Variants in ACER1 observed in about 807,000 individuals in gnomAD.
ACER1 encodes the protein CTB-180A7.3.
ACER1 carries 28 observed loss-of-function variants against 24.9 expected under a neutral mutation model. The ratio of observed to expected loss-of-function variants is 1.13; its 90% CI spans 0.83 to 1.54. The LOEUF is 1.54. ACER1 is among the 40% of genes most tolerant of loss of function. The probability of loss-of-function intolerance (pLI) is 0.00; values close to 1 mark genes in which losing one functional copy is unlikely to be tolerated. For synonymous variants in ACER1, 132 were observed against 131.4 expected (o/e 1.00, Z -0.03); for missense variants, 352 against 349.3 (o/e 1.01, Z -0.06).
Position 6,306,582 on chromosome 19 carries a change from C to T in ACER1, c.*132G>A, listed in dbSNP as rs2091553166. On this transcript the variant is annotated 3_prime_UTR_variant, in exon 6 of 6. Transcript: ENST00000301452. ...TGCCTCAAGGCAGGGCAGCGCAGGACAAGGAGGACACGGAAGGGGAAACAG... is the reference window on the plus strand; with the variant it reads ...TGCCTCAAGGCAGGGCAGCGCAGGATAAGGAGGACACGGAAGGGGAAACAG... 8.9e-7 allele frequency: 1 copy of T among 1,127,280 alleles called. No individual in the cohort carries two copies. Among genetic ancestry groups the T allele is most frequent in the African/African-American group, 1.6e-5 (1 of 63,598 alleles). The allele number at this position is 1,127,280 out of a possible 1,614,324, so 69.8% of individuals were successfully genotyped here. A position where few individuals can be genotyped will look rare whatever the true frequency, so the allele number is the denominator to read the frequency against.
chr19:6,329,297 C>G (rs184389335), intron 1 of ACER1, among the ~76,000 whole-genome samples: 1 of 151,964 alleles, frequency 6.6e-6, no homozygotes, highest in East Asian at 1.9e-4. Flanking sequence ...GAAGCCCTTT[C>G]TCACATAACT....
At chr19:6,323,581 C>A (rs1273558884) in intron 1 of ACER1, among the ~76,000 whole-genome samples, 1 of 152,168 alleles carries the variant, frequency 6.6e-6, no homozygotes, top group African/African-American at 2.4e-5. Context: ...CATTAAACTT[C>A]TTTCTTTTGT....
At position 6,333,337 on chromosome 19, in the gene ACER1, G is replaced by A. The variant is rs2091697813; in HGVS notation, c.93+122C>T. On this transcript the variant is annotated intron_variant, in intron 1 of 5. Coordinates refer to ENST00000301452, the MANE Select transcript of ACER1 (RefSeq NM_133492.3). ...AGCTGGCACTCTTTGGCTAACAGATGAGAAAACTAGGGCTGAGACAGGTGA... is the reference window on the plus strand; with the variant it reads ...AGCTGGCACTCTTTGGCTAACAGATAAGAAAACTAGGGCTGAGACAGGTGA... 3 of 732,686 alleles carry A rather than the reference G, an allele frequency of 4.1e-6. No individual in the cohort carries two copies. In the African/African-American group the frequency reaches 5.4e-5, roughly 13 times the overall value. The allele number at this position is 732,686 out of a possible 1,614,324, so 45.4% of individuals were successfully genotyped here. A position where few individuals can be genotyped will look rare whatever the true frequency, so the allele number is the denominator to read the frequency against.
At chr19:6,316,968 C>CTTTTTTT (rs71174911) in intron 1 of ACER1, among the ~76,000 whole-genome samples, 2 of 117,234 alleles carry the variant, frequency 1.7e-5, no homozygotes, top group Admixed American at 8.9e-5. Context: ...CCCTCCCCAT[C>CTTTTTTT]TTTTTTTTTT....
the ACER1 span, chr19:6,353,269 C>G: frequency 6.6e-6 from 1 of 151,926 alleles, no homozygotes; most frequent in Non-Finnish European, 1.5e-5. Context: ...GAGGTCAAGG[C>G]TGCAGTGAGC....
At chr19:6,330,353 A>G (rs1364813928) in intron 1 of ACER1, among the ~76,000 whole-genome samples, 2 of 149,436 alleles carry the variant, frequency 1.3e-5, no homozygotes, top group African/African-American at 5.1e-5. Flanking sequence ...TTTTTAGTAG[A>G]GATGGGGTTT....
At chr19:6,351,973 G>C in the ACER1 span, among the ~76,000 whole-genome samples, 1 of 150,288 alleles carries the variant, frequency 6.7e-6, no homozygotes, top group Admixed American at 6.7e-5. Flanking sequence ...GGAGAATGGC[G>C]TGAACCTGGG....
chr19:6,324,012 C>T (rs1367929882), intron 1 of ACER1, among the ~76,000 whole-genome samples: 1 of 152,082 alleles, frequency 6.6e-6, no homozygotes, highest in African/African-American at 2.4e-5. Context: ...CTCCCCTCCA[C>T]CCCCTTCCGA....
intron 1 of ACER1, among the ~76,000 whole-genome samples, chr19:6,330,738 G>C (rs2091683129): frequency 6.7e-6 from 1 of 149,776 alleles, no homozygotes; most frequent in African/African-American, 2.5e-5. Flanking sequence ...AGCCTCGTAG[G>C]ACCAATCATT....
At chr19:6,324,948 C>T (rs532965978) in intron 1 of ACER1, among the ~76,000 whole-genome samples, 1 of 151,692 alleles carries the variant, frequency 6.6e-6, no homozygotes, top group African/African-American at 2.4e-5. Flanking sequence ...TGTCATCAAC[C>T]CAGAAGAAGG....
upstream of ACER1, among the ~76,000 whole-genome samples, chr19:6,334,075 C>T (rs193098134): frequency 9.6e-4 from 145 of 151,014 alleles, no homozygotes; most frequent in South Asian, 1.7e-3. Context: ...GAGACAGAGT[C>T]GCTCTGTTGC....
the ACER1 span, among the ~76,000 whole-genome samples, chr19:6,359,391 T>C: frequency 6.6e-6 from 1 of 150,646 alleles, no homozygotes; most frequent in African/African-American, 2.4e-5. Context: ...TGATCTCGGC[T>C]CTCTGCAACC....
the ACER1 span, among the ~76,000 whole-genome samples, chr19:6,356,886 A>G: frequency 6.6e-6 from 1 of 152,130 alleles, no homozygotes; most frequent in South Asian, 2.1e-4. Context: ...AATGTTCTGC[A>G]GACAATAGAA....
At chr19:6,307,054 T>C in intron 5 of ACER1, 99 bp downstream of exon 5, 1 of 1,551,532 alleles carries the variant, frequency 6.4e-7, no homozygotes, top group Non-Finnish European at 8.7e-7. Flanking sequence ...CTCTCCTCTC[T>C]CTGCTTCTCC....
chr19:6,307,296 G>A lies in ACER1; in HGVS notation c.489-6C>T, dbSNP rs2091557205. On this transcript the variant is annotated splice_region_variant and splice_polypyrimidine_tract_variant and intron_variant, in intron 4 of 5. Coordinates refer to ENST00000301452, the MANE Select transcript of ACER1 (RefSeq NM_133492.3). ...GAAGCTCCTTATTGCTGGTCCTAGA[G>A]AGGGGAGAGGGGGACCAGGGGCTGG... The A allele has an allele frequency of 1.2e-6, 2 of 1,613,732 alleles. No homozygotes were observed. Among genetic ancestry groups the A allele is most frequent in the Non-Finnish European group, 1.7e-6 (2 of 1,179,972 alleles).
intron 1 of ACER1, among the ~76,000 whole-genome samples, chr19:6,314,832 T>C (rs986390862): frequency 2.0e-5 from 3 of 152,154 alleles, no homozygotes; most frequent in Non-Finnish European, 4.4e-5. Flanking sequence ...ATCAACCCAA[T>C]GATTGGATAA....
chr19:6,347,109 A>AAAAAAAAAAAAAAAT, the ACER1 span, among the ~76,000 whole-genome samples: 4 of 113,822 alleles, frequency 3.5e-5, no homozygotes, highest in African/African-American at 1.0e-4. Context: ...AAAAAAAAAA[A>AAAAAAAAAAAAAAAT]ATATATATAT....
the ACER1 span, among the ~76,000 whole-genome samples, chr19:6,342,590 G>T: frequency 6.6e-6 from 1 of 151,526 alleles, no homozygotes; most frequent in Non-Finnish European, 1.5e-5. Context: ...GTGGTGGCGG[G>T]CGCCTGTAGT....
rs905673547 is a variant in ACER1 at position 6,306,520 on chromosome 19, C to G, written c.*194G>C. 2 of 600,528 alleles carry G rather than the reference C, an allele frequency of 3.3e-6. No individual in the cohort carries two copies. The highest frequency in any genetic ancestry group is 5.5e-6 in the Non-Finnish European group (2 of 363,616). The allele number at this position is 600,528 out of a possible 1,614,324, so 37.2% of individuals were successfully genotyped here. On this transcript the variant is annotated 3_prime_UTR_variant, in exon 6 of 6. Transcript: ENST00000301452. ...GCACGAGACAGCCCCCCACAGTCAC[C>G]AGGCTGCTGCTCAGAGATGTCACAA...
Sources: gnomAD v4.1 joint callset for allele counts (sites outside exome capture counted in the v4.1 genomes callset) on GRCh38, gnomAD v4.1.1 for gene constraint, MANE v1.5 for transcripts, NCBI Gene and HGNC (gene_info 2026-07-23, HGNC 2026-07-21) for gene names.